MYT1L: variants seen among roughly 807,000 people sequenced by gnomAD.
MYT1L encodes the protein myelin transcription factor 1 like.
A neutral mutation model predicts 126.7 loss-of-function variants in MYT1L; 12 were observed. The observed-to-expected ratio is 0.09, with a 90% CI of 0.06 to 0.15. The LOEUF is 0.15. Ranked by LOEUF, MYT1L falls within the 10% of genes least tolerant of loss-of-function variation. The pLI is 1.00. For synonymous variants in MYT1L, 541 were observed against 604.2 expected (o/e 0.90, Z 1.53); for missense variants, 979 against 1,585.2 (o/e 0.62, Z 6.49).
At chr2:1,926,881 A>G (rs2054299105) in intron 9 of MYT1L, among the ~76,000 whole-genome samples, 1 of 152,268 alleles carries the variant, frequency 6.6e-6, no homozygotes, top group South Asian at 2.1e-4. Context: ...GTTCTATCAA[A>G]TAGGGAGAAT....
chr2:2,292,214 CTG>C (rs2095610313), intron 1 of MYT1L, among the ~76,000 whole-genome samples: 1 of 152,190 alleles, frequency 6.6e-6, no homozygotes, highest in Admixed American at 6.5e-5. Context: ...GCCTGCAGCT[CTG>C]GGGTCCGTGG....
rs545218939 is a variant in MYT1L at position 1,911,565 on chromosome 2, C to T, written c.1709+455G>A. Among the ~76,000 whole-genome samples the T allele has an allele frequency of 2.6e-5, 4 of 152,160 alleles. No homozygotes were observed. In the East Asian group the frequency reaches 7.7e-4, roughly 29 times the overall value. ...ACCCCAGCCTCCCACAGACCACCCCCCAACCTGCTAAACATCTGCAGGTTT... is the reference window on the plus strand; with the variant it reads ...ACCCCAGCCTCCCACAGACCACCCCTCAACCTGCTAAACATCTGCAGGTTT... On this transcript the variant is annotated intron_variant, in intron 12 of 24. Transcript: ENST00000647738.
intron 4 of MYT1L, among the ~76,000 whole-genome samples, chr2:2,021,779 C>T (rs1341984945): frequency 6.6e-6 from 1 of 152,122 alleles, no homozygotes; most frequent in Non-Finnish European, 1.5e-5. Context: ...TGCCTGTACT[C>T]CCAGCTACTC....
intron 8 of MYT1L, among the ~76,000 whole-genome samples, chr2:1,948,180 A>G (rs2057411866): frequency 6.6e-6 from 1 of 152,100 alleles, no homozygotes; most frequent in Admixed American, 6.5e-5. Flanking sequence ...TTACTTTCCT[A>G]TCCCTACATT....
chr2:2,197,422 G>T (rs1375490496), intron 2 of MYT1L, among the ~76,000 whole-genome samples: 1 of 152,088 alleles, frequency 6.6e-6, no homozygotes, highest in African/African-American at 2.4e-5. Flanking sequence ...TATTGACTGT[G>T]CCCAACCACA....
At chr2:2,252,645 G>A (rs11127366) in intron 2 of MYT1L, among the ~76,000 whole-genome samples, 43,654 of 152,012 alleles carry the variant, frequency 0.29, 6,908 homozygotes, top group East Asian at 0.71. Flanking sequence ...TGTTGAAGGG[G>A]GAAGACAGCA....
At chr2:2,101,981 T>C (rs1035575159) in intron 3 of MYT1L, among the ~76,000 whole-genome samples, 2 of 152,244 alleles carry the variant, frequency 1.3e-5, no homozygotes, top group African/African-American at 2.4e-5. Flanking sequence ...TGGTTTCTGA[T>C]TGCCGAACAA....
intron 2 of MYT1L, among the ~76,000 whole-genome samples, chr2:2,226,496 T>C (rs1257598315): frequency 3.9e-5 from 6 of 152,046 alleles, no homozygotes; most frequent in Non-Finnish European, 7.4e-5. Flanking sequence ...GGATGTGCTG[T>C]CCCAGGCTGC....
At chr2:1,837,343 C>T (rs986078468) in intron 21 of MYT1L, among the ~76,000 whole-genome samples, 1 of 152,156 alleles carries the variant, frequency 6.6e-6, no homozygotes, top group African/African-American at 2.4e-5. Context: ...AAATTGTTTT[C>T]GTTTGTGTCA....
chr2:2,097,081 C>T (rs1218207803), intron 3 of MYT1L, among the ~76,000 whole-genome samples: 1 of 152,176 alleles, frequency 6.6e-6, no homozygotes, highest in Admixed American at 6.5e-5. Context: ...AGCACCATCT[C>T]CCCCAGCCTC....
intron 3 of MYT1L, among the ~76,000 whole-genome samples, chr2:2,172,131 A>T (rs1015962661): frequency 2.6e-5 from 4 of 152,168 alleles, no homozygotes; most frequent in African/African-American, 9.7e-5. Flanking sequence ...GATTTGGGCC[A>T]TATTTCAGTC....
At chr2:1,995,597 A>T (rs1246338646) in intron 5 of MYT1L, among the ~76,000 whole-genome samples, 1 of 152,160 alleles carries the variant, frequency 6.6e-6, no homozygotes, top group Non-Finnish European at 1.5e-5. Flanking sequence ...GACTGAAGGA[A>T]GTGAGTGGGT....
chr2:2,214,071 A>G (rs1204972933), intron 2 of MYT1L, among the ~76,000 whole-genome samples: 1 of 151,914 alleles, frequency 6.6e-6, no homozygotes, highest in African/African-American at 2.4e-5. Flanking sequence ...GATTAATGAC[A>G]TATTAGACCT....
At chr2:2,209,802 G>A (rs972232063) in intron 2 of MYT1L, among the ~76,000 whole-genome samples, 1 of 151,984 alleles carries the variant, frequency 6.6e-6, no homozygotes, top group Non-Finnish European at 1.5e-5. Flanking sequence ...TTTCTTTTGG[G>A]TATATACTCA....
Position 1,934,165 on chromosome 2 carries a change from G to A in MYT1L, c.505+8817C>T, listed in dbSNP as rs985040074. The stretch of plus-strand genomic sequence containing the variant: ...AATTTTTTGTATTTTTAGTAGAGAC[G>A]GGGTTTCATCGTGTTAGCCAGGATG... On this transcript the variant is annotated intron_variant, in intron 9 of 24. Coordinates refer to ENST00000647738, the MANE Select transcript of MYT1L (RefSeq NM_001303052.2). 8.9e-4 allele frequency among the ~76,000 whole-genome samples: 134 copies of A among 151,216 alleles called. 1 individual carries two copies. The highest frequency in any genetic ancestry group is 4.7e-3 in the Admixed American group (71 of 15,168).
At chr2:1,939,121 C>T (rs758938729) in intron 9 of MYT1L, among the ~76,000 whole-genome samples, 1 of 152,240 alleles carries the variant, frequency 6.6e-6, no homozygotes. Flanking sequence ...TCCGTCACGA[C>T]GCCCTGGTTT....
intron 2 of MYT1L, among the ~76,000 whole-genome samples, chr2:2,190,761 C>T (rs1034798560): frequency 4.6e-5 from 7 of 152,158 alleles, no homozygotes; most frequent in African/African-American, 1.7e-4. Context: ...CTGCCATGAT[C>T]AAGCGTATGG....
Position 2,195,940 on chromosome 2 carries a change from G to GGAGTCCCA in MYT1L, c.-420-22960_-420-22953dup, listed in dbSNP as rs562005066. Among the ~76,000 whole-genome samples, 333 of 152,100 alleles carry GGAGTCCCA rather than the reference G, an allele frequency of 2.2e-3. 1 individual carries two copies. The highest frequency in any genetic ancestry group is 3.6e-3 in the Non-Finnish European group (247 of 67,950). The stretch of plus-strand genomic sequence containing the variant: ...ATAAAACCCTATCACATGCAAAACA[G>GGAGTCCCA]GAGTCCCATAAGGAGAGGCAAGAGG... On this transcript the variant is annotated intron_variant, in intron 2 of 24. Coordinates refer to ENST00000647738, the MANE Select transcript of MYT1L (RefSeq NM_001303052.2).
At chr2:1,837,889 C>CTT (rs397775613) in intron 21 of MYT1L, among the ~76,000 whole-genome samples, 394 of 144,662 alleles carry the variant, frequency 2.7e-3, no homozygotes, top group Admixed American at 4.8e-3. Context: ...TTCTCTCTCT[C>CTT]TTTTTTTTTT....
Sources: gnomAD v4.1 joint callset for allele counts (sites outside exome capture counted in the v4.1 genomes callset) on GRCh38, gnomAD v4.1.1 for gene constraint, MANE v1.5 for transcripts, NCBI Gene and HGNC (gene_info 2026-07-23, HGNC 2026-07-21) for gene names.